KALRN: variants seen among roughly 807,000 people sequenced by gnomAD.
KALRN encodes kalirin RhoGEF kinase.
In KALRN, 70 loss-of-function variants were observed where a neutral mutation model predicts 353.7. That is an observed-to-expected ratio of 0.20 (90% confidence interval 0.16 to 0.24). KALRN has a LOEUF of 0.24. KALRN is among the 10% of genes least tolerant of loss of function. KALRN has a pLI of 1.00. For synonymous variants in KALRN, 1,391 were observed against 1,434.8 expected (o/e 0.97, Z 0.69); for missense variants, 2,791 against 3,756.7 (o/e 0.74, Z 6.72).
In KALRN at chr3:124,650,830, G is replaced by A. The variant is rs772252798; in HGVS notation, c.5687G>A (p.Arg1896Gln). The change falls in exon 38 of 60, where the codon CGG becomes CAG. Residue 1896 changes from arginine to glutamine, a missense_variant. This residue lies in a region of KALRN where 1,065 missense variants were observed against 1,156.4 expected (regional missense o/e 0.92). Coordinates refer to ENST00000682506, the MANE Select transcript of KALRN (RefSeq NM_001388419.1). ...CAGAGTCTAGAAGGAAGCTCATACC[G>A]GGGGAGCTTGAAAGACCCTGCAGGC... ...NKLSLEGSSY[R>Q]GSLKDPAGCL... 15 of 1,613,268 alleles carry A rather than the reference G, an allele frequency of 9.3e-6. No individual in the cohort carries two copies. Among genetic ancestry groups the A allele is most frequent in the East Asian group, 4.5e-5 (2 of 44,878 alleles).
chr3:124,384,697 C>A, intron 10 of KALRN, 148 bp from the exon 11 acceptor site: 1 of 688,408 alleles, frequency 1.5e-6, no homozygotes, highest in Non-Finnish European at 2.3e-6. Context: ...AGGCGGCGTG[C>A]CAGCTCCGCG....
chr3:124,159,332 G>T (rs2069524608), intron 1 of KALRN, among the ~76,000 whole-genome samples: 1 of 152,140 alleles, frequency 6.6e-6, no homozygotes, highest in African/African-American at 2.4e-5. Context: ...GTGCAGTGGT[G>T]CAATCTCAGA....
At chr3:124,125,675 T>C (rs2149639767) in intron 1 of KALRN, among the ~76,000 whole-genome samples, 1 of 152,202 alleles carries the variant, frequency 6.6e-6, no homozygotes, top group South Asian at 2.1e-4. Flanking sequence ...TACAGTATAA[T>C]CCCCCTTCCT....
intron 8 of KALRN, among the ~76,000 whole-genome samples, chr3:124,333,840 A>T (rs997497451): frequency 1.3e-5 from 2 of 152,164 alleles, no homozygotes; most frequent in Non-Finnish European, 1.5e-5. Context: ...GTGAGCCGAG[A>T]TCGCACCATT....
intron 3 of KALRN, among the ~76,000 whole-genome samples, chr3:124,239,376 A>G (rs536363734): frequency 6.6e-6 from 1 of 152,324 alleles, no homozygotes; most frequent in South Asian, 2.1e-4. Context: ...ATTCCTCTTC[A>G]TCATCACTGT....
chr3:124,632,701 G>A lies in KALRN; in HGVS notation c.5464G>A (p.Glu1822Lys). ...AACCCCTCAGGGAGACAGCGCTGAT[G>A]AGGTACTTACAGGGGGCCCTGGAGT... ...ETTPQGDSAD[E>K]SKKGWGEDEP... The change falls in exon 35 of 60, where the codon GAG becomes AAG. Residue 1822 changes from glutamate (E) to lysine (K), a missense_variant and splice_region_variant. This residue lies in a region of KALRN where 1,065 missense variants were observed against 1,156.4 expected (regional missense o/e 0.92). Coordinates refer to ENST00000682506, the MANE Select transcript of KALRN (RefSeq NM_001388419.1). The A allele has an allele frequency of 6.2e-7, 1 of 1,613,590 alleles. No individual in the cohort carries two copies. Among genetic ancestry groups the A allele is most frequent in the Non-Finnish European group, 8.5e-7 (1 of 1,179,640 alleles).
At chr3:124,055,396 G>A (rs1186516215) in intron 1 of KALRN, among the ~76,000 whole-genome samples, 1 of 152,134 alleles carries the variant, frequency 6.6e-6, no homozygotes, top group Non-Finnish European at 1.5e-5. Flanking sequence ...CCAAAAGGAG[G>A]TCATCTAATT....
intron 58 of KALRN, among the ~76,000 whole-genome samples, chr3:124,714,472 C>G (rs2063037259): frequency 6.6e-6 from 1 of 152,272 alleles, no homozygotes; most frequent in Non-Finnish European, 1.5e-5. Flanking sequence ...GGCTCACGTC[C>G]CAGCTCTGTG....
At chr3:124,375,920 C>T (rs1340873212) in intron 10 of KALRN, among the ~76,000 whole-genome samples, 1 of 152,108 alleles carries the variant, frequency 6.6e-6, no homozygotes, top group East Asian at 1.9e-4. Flanking sequence ...ATAATTTTCT[C>T]AGAATTTCTA....
At chr3:124,122,635 A>C (rs1420291560) in intron 1 of KALRN, among the ~76,000 whole-genome samples, 1 of 152,144 alleles carries the variant, frequency 6.6e-6, no homozygotes, top group East Asian at 1.9e-4. Flanking sequence ...CTTTGATGTT[A>C]CTATTATGAT....
At chr3:124,646,390 A>ATTTTTTTTTTTTT (rs1578623220) in intron 37 of KALRN, among the ~76,000 whole-genome samples, 1 of 94,632 alleles carries the variant, frequency 1.1e-5, no homozygotes, top group African/African-American at 3.9e-5. Context: ...TCTTTTGTTT[A>ATTTTTTTTTTTTT]CTTTTTTTTT....
chr3:124,577,898 C>G (rs2651615), intron 34 of KALRN, among the ~76,000 whole-genome samples: 67,551 of 151,682 alleles, frequency 0.45, 16,683 homozygotes, highest in East Asian at 0.83. Flanking sequence ...AACAAAACCC[C>G]CCACCATATT....
chr3:124,624,457 G>C (rs2079697894), intron 34 of KALRN, among the ~76,000 whole-genome samples: 1 of 152,166 alleles, frequency 6.6e-6, no homozygotes, highest in South Asian at 2.1e-4. Flanking sequence ...GTAGTTTCAG[G>C]CATCCACTGG....
At chr3:124,201,749 C>A (rs918834151) in intron 1 of KALRN, among the ~76,000 whole-genome samples, 1 of 152,102 alleles carries the variant, frequency 6.6e-6, no homozygotes, top group South Asian at 2.1e-4. Flanking sequence ...AGTGATAGAC[C>A]TGGGAGTGTT....
chr3:124,642,806 G>GTTTTTTTGTTGTTGTTGTTT lies in KALRN; in HGVS notation c.5664+5510_5664+5511insGTTGTTGTTGTTTTTTTTTT, dbSNP rs1553707032. ...TCTGTGGAAGAGATTCCCAAGCCTC[G>GTTTTTTTGTTGTTGTTGTTT]TTTTTTTTTTTTTTTTTTTTGAGAC... On this transcript the variant is annotated intron_variant, in intron 37 of 59. Transcript: ENST00000682506. 4.3e-4 allele frequency among the ~76,000 whole-genome samples: 42 copies of GTTTTTTTGTTGTTGTTGTTT among 96,830 alleles called. 4 individuals are homozygous for GTTTTTTTGTTGTTGTTGTTT. The highest frequency in any genetic ancestry group is 5.0e-4 in the Non-Finnish European group (26 of 52,482). The allele number at this position is 96,830 out of a possible 152,430, so 63.5% of individuals were successfully genotyped here.
intron 58 of KALRN, among the ~76,000 whole-genome samples, chr3:124,713,850 G>A (rs553003521): frequency 2.6e-4 from 40 of 152,234 alleles, no homozygotes; most frequent in Admixed American, 1.8e-3. Context: ...AGACATTTCC[G>A]CCAAAGACCA....
chr3:124,055,316 A>C (rs1394198588), intron 1 of KALRN, among the ~76,000 whole-genome samples: 4 of 152,186 alleles, frequency 2.6e-5, no homozygotes, highest in Non-Finnish European at 5.9e-5. Flanking sequence ...GGTTCATAGA[A>C]GTCTGCCAAC....
At chr3:124,117,311 A>G (rs1174952978) in intron 1 of KALRN, among the ~76,000 whole-genome samples, 3 of 149,494 alleles carry the variant, frequency 2.0e-5, no homozygotes, top group South Asian at 2.1e-4. Context: ...TATGGAAAAG[A>G]AAAACAGTGT....
At chr3:124,350,174 C>T (rs185320116) in intron 10 of KALRN, among the ~76,000 whole-genome samples, 161 of 152,332 alleles carry the variant, frequency 1.1e-3, no homozygotes, top group African/African-American at 3.5e-3. Flanking sequence ...TTTGTTACAA[C>T]CATTCAAGAC....
Sources: allele counts gnomAD v4.1 joint callset (sites outside exome capture counted in the v4.1 genomes callset), GRCh38; gene constraint gnomAD v4.1.1; regional missense constraint gnomAD v4.1.1; transcripts MANE v1.5; gene names NCBI Gene and HGNC (gene_info 2026-07-23, HGNC 2026-07-21).